Variants in USP13 observed in about 807,000 individuals in gnomAD.
USP13 encodes ubiquitin carboxyl-terminal hydrolase 13.
In USP13, 68 loss-of-function variants were observed where a neutral mutation model predicts 107.8. That is an observed-to-expected ratio of 0.63 (90% CI 0.52 to 0.77). USP13 has a LOEUF of 0.77. Among genes scored for constraint, USP13 ranks in the 30% least tolerant of loss-of-function variants. The probability of loss-of-function intolerance (pLI) is 0.00; values close to 1 mark genes in which losing one functional copy is unlikely to be tolerated. For synonymous variants in USP13, 377 were observed against 389.5 expected, an observed-to-expected ratio of 0.97 and a Z score of 0.38; for missense variants, 945 against 1,093.3, an observed-to-expected ratio of 0.86 and a Z score of 1.91.
At chr3:179,724,450 T>A (rs1299645430) in intron 8 of USP13, among the ~76,000 whole-genome samples, 1 of 130,638 alleles carries the variant, frequency 7.7e-6, no homozygotes, top group Non-Finnish European at 1.5e-5. Flanking sequence ...CAAGTGAGAC[T>A]CTGTCTCAAG....
intron 6 of USP13, among the ~76,000 whole-genome samples, chr3:179,710,044 T>G (rs1333688697): frequency 6.6e-6 from 1 of 152,174 alleles, no homozygotes; most frequent in Non-Finnish European, 1.5e-5. Flanking sequence ...TTCTTTGGTT[T>G]CACATTTTAG....
intron 4 of USP13, among the ~76,000 whole-genome samples, chr3:179,702,602 C>T (rs2300772): frequency 0.33 from 50,055 of 152,118 alleles, 9,220 homozygotes; most frequent in African/African-American, 0.5. Flanking sequence ...CCATTCATTC[C>T]CTTTTGCCCC....
At chr3:179,724,519 A>G (rs1033261265) in intron 8 of USP13, among the ~76,000 whole-genome samples, 1 of 152,066 alleles carries the variant, frequency 6.6e-6, no homozygotes, top group Non-Finnish European at 1.5e-5. Flanking sequence ...GAAAGAAAAA[A>G]AGAAAAATGA....
intron 14 of USP13, 54 bp downstream of exon 14, chr3:179,752,427 A>T (rs1165251609): frequency 7.3e-7 from 1 of 1,371,246 alleles, no homozygotes; most frequent in Non-Finnish European, 1.0e-6. Context: ...CATTTAAACA[A>T]CATGGCATGT....
In USP13 at chr3:179,653,540, CTTAG is replaced by C. The variant is rs1720154618; in HGVS notation, c.168+149_168+152del. On this transcript the variant is annotated intron_variant, in intron 1 of 20. Transcript: ENST00000263966. This position sits in a 1 kb window ranked among gnomAD's most constrained non-coding sequence, Gnocchi z 4.0. ...CAGGAACACTGCAGTTCGGCAGACA[CTTAG>C]TGAGCGCCCCAGGGCTGCTGCAGCC... is the stretch of plus-strand genomic sequence containing the variant. The C allele has an allele frequency of 1.7e-6, 2 of 1,164,452 alleles. No homozygotes were observed. The highest frequency in any genetic ancestry group is 1.6e-5 in the African/African-American group (1 of 62,992). The allele number at this position is 1,164,452 out of a possible 1,614,324, so 72.1% of individuals were successfully genotyped here.
At chr3:179,730,118 T>A (rs973291734) in intron 8 of USP13, 71 bp from the exon 9 acceptor site, 2 of 1,447,148 alleles carry the variant, frequency 1.4e-6, no homozygotes. Flanking sequence ...TTAGCAAGAA[T>A]TTTGATGGCT....
chr3:179,763,904 A>G, intron 17 of USP13, 98 bp from the exon 18 acceptor site: 1 of 1,423,738 alleles, frequency 7.0e-7, no homozygotes. Flanking sequence ...CTTGATTATT[A>G]TAACTTTGTA....
At chr3:179,699,916 C>T (rs1200867125) in intron 3 of USP13, among the ~76,000 whole-genome samples, 3 of 151,870 alleles carry the variant, frequency 2.0e-5, no homozygotes, top group Admixed American at 6.6e-5. Context: ...CAGGTGGGTG[C>T]TCCATTAAGT....
chr3:179,683,321 C>T (rs1041588927), intron 2 of USP13, among the ~76,000 whole-genome samples: 2 of 152,006 alleles, frequency 1.3e-5, no homozygotes, highest in Non-Finnish European at 2.9e-5. Context: ...AACTTTTTGT[C>T]GTATGAGTTG....
chr3:179,775,792 C>T (rs1331690734), intron 19 of USP13, among the ~76,000 whole-genome samples: 2 of 152,216 alleles, frequency 1.3e-5, no homozygotes. Context: ...CCATGCTCAC[C>T]CAGAACTCAG....
At chr3:179,755,850 T>G (rs1195096064) in intron 15 of USP13, among the ~76,000 whole-genome samples, 1 of 152,128 alleles carries the variant, frequency 6.6e-6, no homozygotes, top group East Asian at 1.9e-4. Context: ...GTGACCATGG[T>G]CAGGTATAAA....
At position 179,787,182 on chromosome 3, in the gene USP13, A is replaced by G. The variant is rs1054896519; in HGVS notation, c.*3041A>G. The G allele has an allele frequency of 6.6e-6, 1 of 152,222 alleles. No individual in the cohort carries two copies. Among genetic ancestry groups the G allele is most frequent in the African/African-American group, 2.4e-5 (1 of 41,438 alleles). The allele number at this position is 152,222 out of a possible 1,614,324, so 9.4% of individuals were successfully genotyped here. The stretch of plus-strand genomic sequence containing the variant: ...CATTTCCCAGTGCTTACTTTGGGCT[A>G]TAGGAAGTCCAGCGGGGATAGCTCG... On this transcript the variant is annotated 3_prime_UTR_variant, in exon 21 of 21. Transcript: ENST00000263966.
At chr3:179,681,848 C>T in intron 1 of USP13, 30 bp from the exon 2 acceptor site, 3 of 1,602,952 alleles carry the variant, frequency 1.9e-6, no homozygotes, top group Non-Finnish European at 2.6e-6. Context: ...TAGGTGTCGT[C>T]GGCTAATGTA....
intron 17 of USP13, among the ~76,000 whole-genome samples, chr3:179,762,443 T>C (rs141547385): frequency 0.014 from 2,095 of 152,286 alleles, 19 homozygotes; most frequent in Non-Finnish European, 0.022. Context: ...TGTCTGGGCA[T>C]GGTGGCGGGC....
intron 8 of USP13, among the ~76,000 whole-genome samples, chr3:179,727,928 A>AC (rs1265519884): frequency 6.2e-5 from 3 of 48,398 alleles, no homozygotes; most frequent in African/African-American, 1.5e-4. Context: ...TGGGGGGCTG[A>AC]CCCCCCCACC....
chr3:179,693,315 A>AT (rs1393142188), intron 3 of USP13, among the ~76,000 whole-genome samples: 1 of 152,070 alleles, frequency 6.6e-6, no homozygotes, highest in African/African-American at 2.4e-5. Flanking sequence ...CACATGGTTA[A>AT]TTAAAAAAAA....
At chr3:179,779,620 G>A (rs751592894) in intron 19 of USP13, among the ~76,000 whole-genome samples, 3 of 151,482 alleles carry the variant, frequency 2.0e-5, no homozygotes, top group Non-Finnish European at 4.4e-5. Context: ...GCACTAAACC[G>A]TTGGTAGATG....
chr3:179,780,962 A>C (rs1560085945), intron 19 of USP13, among the ~76,000 whole-genome samples: 2 of 152,288 alleles, frequency 1.3e-5, no homozygotes, highest in East Asian at 3.9e-4. Context: ...TTTCCATACT[A>C]CCTCATTGTA....
intron 10 of USP13, among the ~76,000 whole-genome samples, chr3:179,736,275 T>C (rs1713993947): frequency 2.0e-5 from 3 of 152,194 alleles, no homozygotes; most frequent in South Asian, 2.1e-4. Context: ...GTGTTTGGTA[T>C]AAGGTCGCTA....
Sources: gnomAD v4.1 joint callset for allele counts (sites outside exome capture counted in the v4.1 genomes callset) on GRCh38, gnomAD v4.1.1 for gene constraint, Gnocchi (gnomAD v3.1) non-coding constraint, MANE v1.5 for transcripts, NCBI Gene and HGNC (gene_info 2026-07-23, HGNC 2026-07-21) for gene names.